CLOCK: variants seen among roughly 807,000 people sequenced by gnomAD.
The protein encoded by CLOCK is circadian locomoter output cycles protein kaput.
Under a neutral mutation model 118.4 loss-of-function variants are expected in CLOCK, and 43 were observed. The observed-to-expected ratio is 0.36, with a 90% CI of 0.28 to 0.47. The LOEUF is 0.47. CLOCK is among the 20% of genes least tolerant of loss of function. The probability of loss-of-function intolerance (pLI) is 1.00; values close to 1 mark genes in which losing one functional copy is unlikely to be tolerated. For synonymous variants in CLOCK, 326 were observed against 339.2 expected, an observed-to-expected ratio of 0.96 and a Z score of 0.43; for missense variants, 846 against 999.9, an observed-to-expected ratio of 0.85 and a Z score of 2.08.
intron 3 of CLOCK, among the ~76,000 whole-genome samples, chr4:55,488,327 C>T (rs1355475576): frequency 6.6e-6 from 1 of 152,190 alleles, no homozygotes; most frequent in Non-Finnish European, 1.5e-5. Context: ...CACACTTCTA[C>T]ATGCCAATGA....
chr4:55,438,362 TCTGCTG>T lies in CLOCK; in HGVS notation c.2275_2280del (p.Gln759_Gln760del), dbSNP rs753230415. 1 of 1,613,024 alleles carries T rather than the reference TCTGCTG, an allele frequency of 6.2e-7. No homozygotes were observed. The highest frequency in any genetic ancestry group is 1.1e-5 in the South Asian group (1 of 90,858). On this transcript the variant is annotated inframe_deletion, in exon 22 of 23. Transcript: ENST00000513440. The stretch of plus-strand genomic sequence containing the variant: ...GAAGTGAGCTGCTGCTCCTGGGAGC[TCTGCTG>T]CTGCTGCTGCTGCGTTACTGACAAT...
At chr4:55,450,666 G>A (rs543433787) in intron 15 of CLOCK, among the ~76,000 whole-genome samples, 1 of 152,052 alleles carries the variant, frequency 6.6e-6, no homozygotes. Context: ...CTACTCCGGC[G>A]GCTGAGGCAG....
chr4:55,444,571 AT>A, intron 19 of CLOCK, 61 bp downstream of exon 19: 1 of 1,602,764 alleles, frequency 6.2e-7, no homozygotes, highest in Non-Finnish European at 8.5e-7. Context: ...AGAAAAGTTA[AT>A]TTTCCTAGAA....
intron 1 of CLOCK, among the ~76,000 whole-genome samples, chr4:55,545,057 T>TC (rs1317074511): frequency 1.3e-5 from 2 of 151,822 alleles, no homozygotes; most frequent in African/African-American, 4.8e-5. Context: ...GCTAACTTTT[T>TC]TTTTTTTTAC....
intron 1 of CLOCK, among the ~76,000 whole-genome samples, chr4:55,526,811 G>A (rs922532431): frequency 6.6e-6 from 1 of 152,016 alleles, no homozygotes; most frequent in Non-Finnish European, 1.5e-5. Flanking sequence ...GCCGGGCAAA[G>A]TGGCAGGCAC....
At chr4:55,495,349 T>C (rs979080747) in intron 2 of CLOCK, among the ~76,000 whole-genome samples, 3 of 152,146 alleles carry the variant, frequency 2.0e-5, no homozygotes, top group Non-Finnish European at 2.9e-5. Context: ...GTAACCTCTC[T>C]CCCCTCTGGG....
rs1165438125 is a variant in CLOCK, at chr4:55,429,091, C to T, written c.*6324G>A. ...GTAACAACTTATTTTAACTTAACTA[C>T]TGGCATAACCATTGCCAGCAGTGAA... On this transcript the variant is annotated 3_prime_UTR_variant, in exon 23 of 23. Transcript: ENST00000513440. 6.6e-6 allele frequency: 1 copy of T among 150,908 alleles called. No homozygotes were observed. Among genetic ancestry groups the T allele is most frequent in the African/African-American group, 2.4e-5 (1 of 41,114 alleles). 9.3% of individuals were successfully genotyped at this position (150,908 alleles called of 1,614,324 possible).
At chr4:55,528,293 C>T (rs1278373399) in intron 1 of CLOCK, among the ~76,000 whole-genome samples, 1 of 151,866 alleles carries the variant, frequency 6.6e-6, no homozygotes. Flanking sequence ...TTGCAGTGAG[C>T]CGAGATCATG....
Position 55,467,003 on chromosome 4 carries a change from GA to G in CLOCK, c.439-3199del, listed in dbSNP as rs539096754. On this transcript the variant is annotated intron_variant, in intron 8 of 22. Transcript: ENST00000513440. Reference sequence around the variant, plus strand: ...GACACAAACAATTTTTTAAAATCTAGAAGATGTTAATAACAGAGGAAACTGG... The same window carrying G: ...GACACAAACAATTTTTTAAAATCTAGAGATGTTAATAACAGAGGAAACTGG... Among the ~76,000 whole-genome samples, 48 of 152,242 alleles carry G rather than the reference GA, an allele frequency of 3.2e-4. 1 individual carries two copies. Among genetic ancestry groups the G allele is most frequent in the African/African-American group, 1.1e-3 (46 of 41,548 alleles).
At chr4:55,458,822 G>T in intron 11 of CLOCK, 70 bp downstream of exon 11, 1 of 1,039,032 alleles carries the variant, frequency 9.6e-7, no homozygotes, top group Non-Finnish European at 1.5e-6. Flanking sequence ...CTCAATGTCT[G>T]CAGGAAGTTT....
At chr4:55,503,977 G>GGAAA (rs1560463004) in intron 2 of CLOCK, among the ~76,000 whole-genome samples, 3 of 25,104 alleles carry the variant, frequency 1.2e-4, no homozygotes, top group Non-Finnish European at 2.9e-4. Flanking sequence ...GCAAAAAGAG[G>GGAAA]TAAAAAAAAA....
chr4:55,513,055 A>G, intron 1 of CLOCK, among the ~76,000 whole-genome samples: 1 of 152,170 alleles, frequency 6.6e-6, no homozygotes. Flanking sequence ...CAGTGTATAT[A>G]AAGTCTACAG....
chr4:55,438,668 T>G, intron 21 of CLOCK, 131 bp from the exon 22 acceptor site: 1 of 1,334,214 alleles, frequency 7.5e-7, no homozygotes, highest in South Asian at 1.4e-5. Flanking sequence ...GGTCTGTATA[T>G]TCCTACTTTG....
chr4:55,443,543 A>G (rs1258802198), intron 20 of CLOCK, 144 bp downstream of exon 20: 1 of 688,184 alleles, frequency 1.5e-6, no homozygotes, highest in Non-Finnish European at 2.5e-6. Flanking sequence ...AAAATATTTT[A>G]ATAATCACTC....
At chr4:55,518,091 A>C (rs1487566333) in intron 1 of CLOCK, among the ~76,000 whole-genome samples, 1 of 152,108 alleles carries the variant, frequency 6.6e-6, no homozygotes, top group Non-Finnish European at 1.5e-5. Context: ...TCTTACTATG[A>C]GTTGTGGTCA....
rs762302677 is a variant in CLOCK, at chr4:55,459,281, A to T, written c.560-20T>A. On this transcript the variant is annotated intron_variant, in intron 9 of 22. Transcript: ENST00000513440. ...TTTTTGCTGAAATAAAAGAGATTTT[A>T]AAAATCACATATTTCTGATATAAAA... 3.6e-6 allele frequency: 5 copies of T among 1,371,718 alleles called. No individual in the cohort carries two copies. The East Asian group carries it at 6.9e-5, about 19-fold the overall frequency. 85.0% of individuals were successfully genotyped at this position (1,371,718 alleles called of 1,614,324 possible). A position where few individuals can be genotyped will look rare whatever the true frequency, so the allele number is the denominator to read the frequency against.
chr4:55,499,873 G>C (rs1252441485), intron 2 of CLOCK, among the ~76,000 whole-genome samples: 1 of 152,148 alleles, frequency 6.6e-6, no homozygotes, highest in Admixed American at 6.6e-5. Flanking sequence ...CATGCAATTA[G>C]GGAATCTCCC....
In CLOCK at chr4:55,499,379, G is replaced by A. The variant is rs530800420; in HGVS notation, c.-135-9914C>T. 3.3e-5 allele frequency among the ~76,000 whole-genome samples: 5 copies of A among 152,316 alleles called. No individual in the cohort carries two copies. In the East Asian group the frequency reaches 5.8e-4, roughly 18 times the overall value. On this transcript the variant is annotated intron_variant, in intron 2 of 22. Transcript: ENST00000513440. ...ATACAATTTTTCCATGGACAGCGGG[G>A]ATGGTTTCTGGACAAAACTGTTCCA...
intron 1 of CLOCK, among the ~76,000 whole-genome samples, chr4:55,523,640 T>C (rs1560476696): frequency 6.6e-6 from 1 of 152,192 alleles, no homozygotes; most frequent in East Asian, 1.9e-4. Flanking sequence ...AACATAATCA[T>C]CCTGTACTGC....
Sources: gnomAD v4.1 joint callset for allele counts (sites outside exome capture counted in the v4.1 genomes callset) on GRCh38, gnomAD v4.1.1 for gene constraint, MANE v1.5 for transcripts, NCBI Gene and HGNC (gene_info 2026-07-23, HGNC 2026-07-21) for gene names.